Variants in VGLL4 observed in about 807,000 individuals in gnomAD.
The protein encoded by VGLL4 is vestigial like family member 4.
VGLL4 carries 7 observed loss-of-function variants against 21.0 expected under a neutral mutation model. The observed-to-expected ratio is 0.33, with a 90% confidence interval of 0.19 to 0.63. The LOEUF (loss-of-function observed/expected upper bound fraction) is 0.63. Among genes scored for constraint, VGLL4 ranks in the 20% least tolerant of loss-of-function variants. The probability of loss-of-function intolerance (pLI) is 0.78; values close to 1 mark genes in which losing one functional copy is unlikely to be tolerated. For missense variants in VGLL4, 394 were observed against 425.7 expected, an observed-to-expected ratio of 0.93 and a Z score of 0.66; for synonymous variants, 222 against 173.2, an observed-to-expected ratio of 1.28 and a Z score of -2.21.
chr3:11,607,725 G>A (rs370196965), intron 1 of VGLL4, among the ~76,000 whole-genome samples: 1 of 152,076 alleles, frequency 6.6e-6, no homozygotes, highest in Non-Finnish European at 1.5e-5. Context: ...TTAAGAACAG[G>A]CATTTGTGAA....
intron 2 of VGLL4, among the ~76,000 whole-genome samples, chr3:11,580,956 A>G (rs1233138637): frequency 6.6e-6 from 1 of 152,198 alleles, no homozygotes. Flanking sequence ...GAGGATGGCT[A>G]ATGTTAACAG....
At chr3:11,636,276 A>C (rs937891527) in intron 1 of VGLL4, among the ~76,000 whole-genome samples, 2 of 152,244 alleles carry the variant, frequency 1.3e-5, no homozygotes, top group Admixed American at 1.3e-4. Flanking sequence ...GGCAGAGTAC[A>C]TCTGCATCAA....
Position 11,576,394 on chromosome 3 carries a change from T to C in VGLL4, c.273-11375A>G, listed in dbSNP as rs182318071. 1.8e-4 allele frequency among the ~76,000 whole-genome samples: 27 copies of C among 152,366 alleles called. No individual in the cohort carries two copies. The East Asian group carries it at 4.6e-3, about 26-fold the overall frequency. On this transcript the variant is annotated intron_variant, in intron 2 of 4. Transcript: ENST00000430365. Reference sequence around the variant, plus strand: ...GTTGTTTTTGTCATTATGTAATCTCTCAAGGAATATGTTAAAAATACAACC... The same window carrying C: ...GTTGTTTTTGTCATTATGTAATCTCCCAAGGAATATGTTAAAAATACAACC...
intron 1 of VGLL4, among the ~76,000 whole-genome samples, chr3:11,713,588 A>C (rs1575556732): frequency 6.9e-6 from 1 of 145,558 alleles, no homozygotes; most frequent in South Asian, 2.2e-4. Flanking sequence ...ATATATATAT[A>C]TATCTGCATA....
chr3:11,643,910 G>T lies in VGLL4; in HGVS notation c.-392C>A. The T allele has an allele frequency of 9.9e-7, 1 of 1,014,196 alleles. No individual in the cohort carries two copies. Among genetic ancestry groups the T allele is most frequent in the African/African-American group, 1.7e-5 (1 of 57,798 alleles). 62.8% of individuals were successfully genotyped at this position (1,014,196 alleles called of 1,614,324 possible). ...TGCAAGCCGGCAGCGCTGACATGAGGGCTATGCTTGGCATGACTCCTATGC... is the reference window on the plus strand; with the variant it reads ...TGCAAGCCGGCAGCGCTGACATGAGTGCTATGCTTGGCATGACTCCTATGC... On this transcript the variant is annotated 5_prime_UTR_variant, in exon 1 of 5. Transcript: ENST00000430365.
chr3:11,685,851 C>CA (rs1218360549), intron 2 of VGLL4, among the ~76,000 whole-genome samples: 8 of 149,710 alleles, frequency 5.3e-5, no homozygotes, highest in East Asian at 3.9e-4. Context: ...GACTCCATCT[C>CA]AAAAAAAAAG....
At chr3:11,699,436 T>C (rs1469976735) in intron 2 of VGLL4, 3 of 152,148 alleles carry the variant, frequency 2.0e-5, no homozygotes, top group Non-Finnish European at 4.4e-5. Flanking sequence ...AAAATGATCC[T>C]AAGAAGCTGA....
intron 1 of VGLL4, among the ~76,000 whole-genome samples, chr3:11,622,306 T>C (rs982565202): frequency 6.6e-6 from 1 of 152,162 alleles, no homozygotes. Flanking sequence ...CCACCACCGA[T>C]AGCTGGGTAG....
Position 11,568,556 on chromosome 3 carries a change from G to C in VGLL4, c.273-3537C>G. On this transcript the variant is annotated intron_variant, in intron 2 of 4. Transcript: ENST00000430365. The surrounding 1 kb of genome is among the most constrained non-coding windows in gnomAD (Gnocchi z 5.9). Reference sequence around the variant, plus strand: ...AAAGACACTGAAAACAGCGAGAAAAGGCCTGGAGAACTGGCTGGTTAATTT... The same window carrying C: ...AAAGACACTGAAAACAGCGAGAAAACGCCTGGAGAACTGGCTGGTTAATTT... 1.3e-6 allele frequency: 2 copies of C among 1,552,278 alleles called. No individual in the cohort carries two copies. The highest frequency in any genetic ancestry group is 1.7e-6 in the Non-Finnish European group (2 of 1,146,578).
intron 2 of VGLL4, among the ~76,000 whole-genome samples, chr3:11,701,358 A>G (rs914988292): frequency 2.5e-5 from 3 of 119,002 alleles, no homozygotes; most frequent in Non-Finnish European, 6.2e-5. Flanking sequence ...CCAGAAGCCA[A>G]GCAGACACTC....
In VGLL4 at chr3:11,665,101, C is replaced by CTTTTTTTTTTTT. The variant is rs59999510; in HGVS notation, c.64+37858_64+37869dup. On this transcript the variant is annotated intron_variant, in intron 2 of 5. Transcript: ENST00000273038. ...AAATGAAAGCAATTTGAATATTTTT[C>CTTTTTTTTTTTT]TTTTTTTTTTTTTTTTTTTTTTTTT... is the stretch of plus-strand genomic sequence containing the variant. 2.2e-4 allele frequency among the ~76,000 whole-genome samples: 21 copies of CTTTTTTTTTTTT among 96,946 alleles called. 3 individuals are homozygous for CTTTTTTTTTTTT. The highest frequency in any genetic ancestry group is 9.8e-4 in the African/African-American group (20 of 20,472). 63.6% of individuals were successfully genotyped at this position (96,946 alleles called of 152,430 possible). A position where few individuals can be genotyped will look rare whatever the true frequency, so the allele number is the denominator to read the frequency against.
intron 1 of VGLL4, among the ~76,000 whole-genome samples, chr3:11,602,259 TTAAAA>T (rs1006820962): frequency 2.1e-4 from 32 of 152,258 alleles, no homozygotes; most frequent in African/African-American, 6.7e-4. Flanking sequence ...AGGGTAGAGT[TTAAAA>T]TAAAAAGTTG....
upstream of VGLL4, among the ~76,000 whole-genome samples, chr3:11,646,244 A>G (rs1188363660): frequency 6.6e-6 from 1 of 152,246 alleles, no homozygotes; most frequent in African/African-American, 2.4e-5. Flanking sequence ...CGTAACATCC[A>G]GTATACATGA....
At chr3:11,677,909 CA>C (rs35366594) in intron 2 of VGLL4, among the ~76,000 whole-genome samples, 110 of 120,854 alleles carry the variant, frequency 9.1e-4, no homozygotes, top group African/African-American at 1.4e-3. Context: ...CTTCGTCTTT[CA>C]AAAAAAAAAA....
intron 2 of VGLL4, among the ~76,000 whole-genome samples, chr3:11,649,139 C>A (rs1332723280): frequency 6.6e-6 from 1 of 152,104 alleles, no homozygotes; most frequent in African/African-American, 2.4e-5. Context: ...GCATTAAAAC[C>A]GTGGCTTATC....
intron 2 of VGLL4, among the ~76,000 whole-genome samples, chr3:11,687,225 A>T (rs1411709698): frequency 6.6e-6 from 1 of 152,250 alleles, no homozygotes; most frequent in Non-Finnish European, 1.5e-5. Context: ...TCAATTAAAA[A>T]TAATACTTTT....
In VGLL4 at chr3:11,643,680, AAATC is replaced by A; in HGVS notation, c.-166_-163del. ...AAGTATGCAAAAGTTAAAAAAAAAA[AAATC>A]AGGCACAAAAAAATCGAGCTCACAC... On this transcript the variant is annotated 5_prime_UTR_variant, in exon 1 of 5. Transcript: ENST00000430365. 2 of 1,439,318 alleles carry A rather than the reference AAATC, an allele frequency of 1.4e-6. No homozygotes were observed. The highest frequency in any genetic ancestry group is 1.8e-6 in the Non-Finnish European group (2 of 1,103,934). The allele number at this position is 1,439,318 out of a possible 1,614,324, so 89.2% of individuals were successfully genotyped here. A position where few individuals can be genotyped will look rare whatever the true frequency, so the allele number is the denominator to read the frequency against.
chr3:11,573,333 A>G (rs527861900), intron 2 of VGLL4, among the ~76,000 whole-genome samples: 2,771 of 68,328 alleles, frequency 0.041, 184 homozygotes, highest in Admixed American at 0.076. Flanking sequence ...GAAAGAAAGA[A>G]AGAAAGAAAG....
In VGLL4 at chr3:11,556,807, A is replaced by C. The variant is rs767514099; in HGVS notation, c.*1749T>G. The C allele has an allele frequency of 1.3e-5, 2 of 152,934 alleles. No individual in the cohort carries two copies. Among genetic ancestry groups the C allele is most frequent in the Admixed American group, 6.5e-5 (1 of 15,300 alleles). 9.5% of individuals were successfully genotyped at this position (152,934 alleles called of 1,614,324 possible). Reference sequence around the variant, plus strand: ...AAGTGTTCTCAACGATTTTTCCTACAGAAAATATAGGGGCCTGAATGCCAA... The same window carrying C: ...AAGTGTTCTCAACGATTTTTCCTACCGAAAATATAGGGGCCTGAATGCCAA... On this transcript the variant is annotated 3_prime_UTR_variant, in exon 5 of 5. Transcript: ENST00000430365.
Sources: gnomAD v4.1 joint callset for allele counts (sites outside exome capture counted in the v4.1 genomes callset) on GRCh38, gnomAD v4.1.1 for gene constraint, Gnocchi (gnomAD v3.1) non-coding constraint, MANE v1.5 for transcripts, NCBI Gene and HGNC (gene_info 2026-07-23, HGNC 2026-07-21) for gene names.